Variants in ODR4 observed in about 807,000 individuals in gnomAD.
ODR4 encodes the protein protein odr-4 homolog.
ODR4 carries 47 observed loss-of-function variants against 60.2 expected under a neutral mutation model. The ratio of observed to expected loss-of-function variants is 0.78; its 90% CI spans 0.62 to 1.00. The LOEUF is 1.00. ODR4 is among the 50% of genes least tolerant of loss of function. The probability of loss-of-function intolerance (pLI) is 0.00; values close to 1 mark genes in which losing one functional copy is unlikely to be tolerated. For synonymous variants in ODR4, 178 were observed against 175.5 expected, an observed-to-expected ratio of 1.01 and a Z score of -0.11; for missense variants, 488 against 530.8, an observed-to-expected ratio of 0.92 and a Z score of 0.79.
At chr1:186,391,968 G>T (rs1212514887) in intron 8 of ODR4, among the ~76,000 whole-genome samples, 177 bp downstream of exon 8, 2 of 152,134 alleles carry the variant, frequency 1.3e-5, no homozygotes, top group African/African-American at 4.8e-5. Context: ...TTAAAAAGTA[G>T]GCAGAGGATA....
chr1:186,385,328 A>G (rs1660212313), intron 3 of ODR4, among the ~76,000 whole-genome samples: 1 of 148,052 alleles, frequency 6.8e-6, no homozygotes, highest in South Asian at 2.2e-4. Flanking sequence ...AAATAGGGAT[A>G]CAGAGGTAGA....
At chr1:186,432,357 C>T in the ODR4 span, among the ~76,000 whole-genome samples, 1 of 152,106 alleles carries the variant, frequency 6.6e-6, no homozygotes, top group Non-Finnish European at 1.5e-5. Flanking sequence ...TCATACTGCC[C>T]TTGTCCAGTT....
intron 1 of ODR4, among the ~76,000 whole-genome samples, chr1:186,377,877 C>G (rs913229322): frequency 3.3e-5 from 5 of 152,122 alleles, no homozygotes; most frequent in African/African-American, 7.2e-5. Flanking sequence ...AACCCCGTCT[C>G]TACTAAAAAT....
intron 3 of ODR4, 72 bp from the exon 4 acceptor site, chr1:186,385,916 A>G: frequency 2.2e-6 from 2 of 907,876 alleles, no homozygotes; most frequent in Non-Finnish European, 3.5e-6. Flanking sequence ...CATGCTAAGC[A>G]GACAGTTTCT....
In ODR4 at chr1:186,390,617, C is replaced by T. The variant is rs1195948025; in HGVS notation, c.475-94C>T. The T allele has an allele frequency of 8.6e-6, 11 of 1,273,806 alleles. No homozygotes were observed. The South Asian group carries it at 1.0e-4, about 12-fold the overall frequency. 78.9% of individuals were successfully genotyped at this position (1,273,806 alleles called of 1,614,324 possible). On this transcript the variant is annotated intron_variant, in intron 6 of 13. Transcript: ENST00000287859. ...TATATGTTAGATATGAGTTTGTATG[C>T]GTTATTTAGGTTGTATATTTAATAA...
Position 186,379,861 on chromosome 1 carries a change from G to A in ODR4, c.76G>A (p.Val26Ile), listed in dbSNP as rs1433950485. Residue 26 changes from valine (V) to isoleucine (I), a missense_variant, in exon 2 of 14, where the codon GTC (valine) becomes ATC (isoleucine). By Grantham distance (29) the Val-to-Ile change is conservative. Coordinates refer to ENST00000287859, the MANE Select transcript of ODR4 (RefSeq NM_017847.6). ...SNINLQGKAF[V>I]SGLLIGQCSS... ...CATAAATCTCCAAGGAAAGGCTTTT[G>A]TCTCTGGCCTTTTAATAGGACAGGT... 6.2e-7 allele frequency: 1 copy of A among 1,605,516 alleles called. No homozygotes were observed. Among genetic ancestry groups the A allele is most frequent in the Non-Finnish European group, 8.5e-7 (1 of 1,175,256 alleles).
At chr1:186,392,775 G>A (rs1391646946) in intron 8 of ODR4, among the ~76,000 whole-genome samples, 1 of 152,134 alleles carries the variant, frequency 6.6e-6, no homozygotes, top group African/African-American at 2.4e-5. Context: ...GGCCAAGGTG[G>A]GCAGATCACT....
chr1:186,418,965 T>A, intron 13 of ODR4, 44 bp from the exon 14 acceptor site: 2 of 1,548,552 alleles, frequency 1.3e-6, no homozygotes, highest in Non-Finnish European at 1.8e-6. Flanking sequence ...GCCTTTCTTT[T>A]GCTCATTCCA....
intron 11 of ODR4, among the ~76,000 whole-genome samples, chr1:186,402,644 C>T (rs1661028452): frequency 6.6e-6 from 1 of 150,778 alleles, no homozygotes; most frequent in African/African-American, 2.4e-5. Context: ...TGGCTGTGCA[C>T]AGGTATGATC....
chr1:186,407,586 T>C (rs1661218424), intron 12 of ODR4, among the ~76,000 whole-genome samples: 1 of 152,160 alleles, frequency 6.6e-6, no homozygotes, highest in Non-Finnish European at 1.5e-5. Flanking sequence ...GGGATTCAGA[T>C]TCTATTCTTC....
At chr1:186,380,356 C>G (rs1343655924) in intron 2 of ODR4, among the ~76,000 whole-genome samples, 1 of 152,148 alleles carries the variant, frequency 6.6e-6, no homozygotes, top group African/African-American at 2.4e-5. Context: ...ACCCATCTTA[C>G]TGAATTTTTT....
At chr1:186,382,637 G>A (rs2383479) in intron 2 of ODR4, among the ~76,000 whole-genome samples, 3 of 151,730 alleles carry the variant, frequency 2.0e-5, no homozygotes, top group Non-Finnish European at 4.4e-5. Flanking sequence ...AATATTTTCC[G>A]ATCTGTTCAT....
chr1:186,404,841 G>T (rs1212949082), intron 11 of ODR4, among the ~76,000 whole-genome samples: 1 of 152,094 alleles, frequency 6.6e-6, no homozygotes, highest in Non-Finnish European at 1.5e-5. Context: ...ATAAGCCCTA[G>T]TTTTCCACTT....
chr1:186,414,854 A>T (rs1168235109), intron 12 of ODR4, among the ~76,000 whole-genome samples: 3 of 152,172 alleles, frequency 2.0e-5, no homozygotes, highest in African/African-American at 7.2e-5. Context: ...ATTTGCTCAT[A>T]GAAGAGCCGA....
chr1:186,406,053 A>G, intron 11 of ODR4, 30 bp from the exon 12 acceptor site: 1 of 1,455,490 alleles, frequency 6.9e-7, no homozygotes, highest in Non-Finnish European at 9.2e-7. Flanking sequence ...AAACCTATCT[A>G]AATATTGATA....
At chr1:186,381,620 C>A (rs181002071) in intron 2 of ODR4, among the ~76,000 whole-genome samples, 1 of 152,184 alleles carries the variant, frequency 6.6e-6, no homozygotes, top group Non-Finnish European at 1.5e-5. Context: ...AGCCACCGCG[C>A]CCGGCCTAAG....
At chr1:186,416,142 G>A (rs1008759478) in intron 12 of ODR4, among the ~76,000 whole-genome samples, 2 of 152,032 alleles carry the variant, frequency 1.3e-5, no homozygotes, top group Admixed American at 6.6e-5. Context: ...TACAAAAATA[G>A]GTCATGAGCC....
intron 1 of ODR4, among the ~76,000 whole-genome samples, chr1:186,379,241 G>A (rs1157171723): frequency 1.3e-5 from 2 of 151,812 alleles, no homozygotes; most frequent in African/African-American, 4.8e-5. Flanking sequence ...TCAGGAGTTC[G>A]AGACCAGCCT....
chr1:186,424,513 G>T (rs1661851845), downstream of ODR4, among the ~76,000 whole-genome samples: 1 of 152,080 alleles, frequency 6.6e-6, no homozygotes, highest in Admixed American at 6.6e-5. Flanking sequence ...TTTGGGTGGG[G>T]TTGTCTGTTA....
Sources: gnomAD v4.1 joint callset for allele counts (sites outside exome capture counted in the v4.1 genomes callset) on GRCh38, gnomAD v4.1.1 for gene constraint, MANE v1.5 for transcripts, NCBI Gene and HGNC (gene_info 2026-07-23, HGNC 2026-07-21) for gene names.